Variants in BCAS3 observed in about 807,000 individuals in gnomAD.
The protein encoded by BCAS3 is BCAS4/BCAS3 fusion.
BCAS3 carries 53 observed loss-of-function variants against 116.1 expected under a neutral mutation model. The observed-to-expected ratio is 0.46, with a 90% CI of 0.37 to 0.57. The LOEUF is 0.57. Among genes scored for constraint, BCAS3 ranks in the 20% least tolerant of loss-of-function variants. The pLI, the probability that BCAS3 is intolerant of heterozygous loss-of-function variation, is 0.00. For missense variants in BCAS3, 917 were observed against 1,165.4 expected, an observed-to-expected ratio of 0.79 and a Z score of 3.10; for synonymous variants, 391 against 408.2, an observed-to-expected ratio of 0.96 and a Z score of 0.51.
chr17:61,100,368 A>G (rs1179046373), intron 22 of BCAS3, among the ~76,000 whole-genome samples: 1 of 152,206 alleles, frequency 6.6e-6, no homozygotes, highest in Non-Finnish European at 1.5e-5. Flanking sequence ...TTTTATAGCC[A>G]TGAGAGGGAC....
intron 14 of BCAS3, among the ~76,000 whole-genome samples, chr17:60,958,960 A>G (rs933534414): frequency 1.3e-5 from 2 of 152,220 alleles, no homozygotes; most frequent in African/African-American, 4.8e-5. Context: ...ACCTACAACT[A>G]TGAAGTTATT....
At chr17:61,306,853 G>T (rs543946315) in intron 22 of BCAS3, among the ~76,000 whole-genome samples, 1 of 152,262 alleles carries the variant, frequency 6.6e-6, no homozygotes, top group East Asian at 1.9e-4. Flanking sequence ...AAGCCTAGAG[G>T]TACTATTACC....
Position 60,803,283 on chromosome 17 carries a change from T to C in BCAS3, c.404-4721T>C, listed in dbSNP as rs145660573. ...GATGAGTTGCCTAACAGGGTAAAGG[T>C]CTTAGCATCGATGTGTTTTTCAGAT... On this transcript the variant is annotated intron_variant, in intron 6 of 23. Coordinates refer to ENST00000407086, the MANE Select transcript of BCAS3 (RefSeq NM_017679.5). 9.0e-3 allele frequency among the ~76,000 whole-genome samples: 1,366 copies of C among 152,280 alleles called. 11 individuals are homozygous for C. The highest frequency in any genetic ancestry group is 0.011 in the Non-Finnish European group (774 of 68,028).
rs1377181629 is a variant in BCAS3 at position 61,309,878 on chromosome 17, T to A, written c.2426-58449T>A. ...AATGACAGCTTGTTTAAGGAAGCCATGAACTAGCAAATGTAGTTAAAAGAT... is the reference window on the plus strand; with the variant it reads ...AATGACAGCTTGTTTAAGGAAGCCAAGAACTAGCAAATGTAGTTAAAAGAT... On this transcript the variant is annotated intron_variant, in intron 22 of 23. Transcript: ENST00000407086. The surrounding 1 kb of genome is among the most constrained non-coding windows in gnomAD (Gnocchi z 4.6). Among the ~76,000 whole-genome samples the A allele has an allele frequency of 2.0e-5, 3 of 152,140 alleles. No homozygotes were observed. The highest frequency in any genetic ancestry group is 4.4e-5 in the Non-Finnish European group (3 of 68,022).
At chr17:61,006,139 A>G (rs1392406637) in intron 15 of BCAS3, among the ~76,000 whole-genome samples, 1 of 152,084 alleles carries the variant, frequency 6.6e-6, no homozygotes, top group African/African-American at 2.4e-5. Flanking sequence ...ATCATTTTTC[A>G]TGGCTGCATA....
rs1319085899 is a variant in BCAS3 at position 61,023,085 on chromosome 17, A to G, written c.1637+7184A>G. ...ACGATAGGTCTCTTTGGTAGGGAGC[A>G]AGTAAAATTAATGAAAAATTCAAAG... is the stretch of plus-strand genomic sequence containing the variant. On this transcript the variant is annotated intron_variant, in intron 16 of 23. Coordinates refer to ENST00000407086, the MANE Select transcript of BCAS3 (RefSeq NM_017679.5). The surrounding 1 kb of genome is among the most constrained non-coding windows in gnomAD (Gnocchi z 4.8). 6.6e-6 allele frequency among the ~76,000 whole-genome samples: 1 copy of G among 152,252 alleles called. No homozygotes were observed. The highest frequency in any genetic ancestry group is 1.5e-5 in the Non-Finnish European group (1 of 68,042).
At chr17:60,709,155 G>T in intron 4 of BCAS3, 64 bp from the exon 5 acceptor site, 1 of 792,456 alleles carries the variant, frequency 1.3e-6, no homozygotes, top group Admixed American at 2.1e-5. Flanking sequence ...AAGAAATACA[G>T]TTGTTTTCTT....
chr17:61,147,716 G>A (rs1428003156), intron 22 of BCAS3, among the ~76,000 whole-genome samples: 4 of 152,138 alleles, frequency 2.6e-5, no homozygotes, highest in Admixed American at 6.5e-5. Flanking sequence ...GCGGGGCACC[G>A]TGGCTCACGC....
rs1417867444 is a variant in BCAS3, at chr17:61,211,961, G to C, written c.2425+127397G>C. ...GGTGTTTCTACAATGTGGGAAACTT[G>C]TTTCATTGAAGAGTCTGAATATTTT... On this transcript the variant is annotated intron_variant, in intron 22 of 23. Coordinates refer to ENST00000407086, the MANE Select transcript of BCAS3 (RefSeq NM_017679.5). This position sits in a 1 kb window ranked among gnomAD's most constrained non-coding sequence, Gnocchi z 4.4. 1.3e-5 allele frequency among the ~76,000 whole-genome samples: 2 copies of C among 152,192 alleles called. No homozygotes were observed.
intron 23 of BCAS3, among the ~76,000 whole-genome samples, chr17:61,373,092 CTTT>C (rs34754126): frequency 6.9e-6 from 1 of 145,462 alleles, no homozygotes; most frequent in African/African-American, 2.5e-5. Flanking sequence ...TAAAGTATTC[CTTT>C]TTTTTTTTTT....
At chr17:61,294,179 G>C (rs1234283496) in intron 22 of BCAS3, among the ~76,000 whole-genome samples, 13 of 152,132 alleles carry the variant, frequency 8.5e-5, no homozygotes. Flanking sequence ...GTATAGAACA[G>C]ATCCCAACTA....
In BCAS3 at chr17:61,229,040, T is replaced by A. The variant is rs980646218; in HGVS notation, c.2426-139287T>A. Reference sequence around the variant, plus strand: ...GAAGAAAGTAAAACAGCCTTGCTTCTGAGATGGAGAAAGTTTTAGTTGTCT... The same window carrying A: ...GAAGAAAGTAAAACAGCCTTGCTTCAGAGATGGAGAAAGTTTTAGTTGTCT... On this transcript the variant is annotated intron_variant, in intron 22 of 23. Transcript: ENST00000407086. This position sits in a 1 kb window ranked among gnomAD's most constrained non-coding sequence, Gnocchi z 4.4. Among the ~76,000 whole-genome samples the A allele has an allele frequency of 6.6e-6, 1 of 152,212 alleles. No individual in the cohort carries two copies. Among genetic ancestry groups the A allele is most frequent in the Non-Finnish European group, 1.5e-5 (1 of 68,046 alleles).
intron 22 of BCAS3, among the ~76,000 whole-genome samples, chr17:61,163,130 A>G (rs2078259802): frequency 6.6e-6 from 1 of 152,212 alleles, no homozygotes; most frequent in South Asian, 2.1e-4. Context: ...ATTATTTTTA[A>G]AAAGTGGTTT....
At position 61,346,340 on chromosome 17, in the gene BCAS3, C is replaced by G. The variant is rs995762439; in HGVS notation, c.2426-21987C>G. On this transcript the variant is annotated intron_variant, in intron 22 of 23. Coordinates refer to ENST00000407086, the MANE Select transcript of BCAS3 (RefSeq NM_017679.5). The surrounding 1 kb of genome is among the most constrained non-coding windows in gnomAD (Gnocchi z 5.4). ...GCATGATTGAAAAATCAGGAGAAAA[C>G]TTTTTTAAATGCCTGAAAGGAATGT... 2.0e-5 allele frequency among the ~76,000 whole-genome samples: 3 copies of G among 152,138 alleles called. No individual in the cohort carries two copies. The highest frequency in any genetic ancestry group is 7.2e-5 in the African/African-American group (3 of 41,420).
In BCAS3 at chr17:61,325,702, A is replaced by G. The variant is rs1181123455; in HGVS notation, c.2426-42625A>G. Among the ~76,000 whole-genome samples, 1 of 152,204 alleles carries G rather than the reference A, an allele frequency of 6.6e-6. No homozygotes were observed. Among genetic ancestry groups the G allele is most frequent in the Non-Finnish European group, 1.5e-5 (1 of 68,038 alleles). The stretch of plus-strand genomic sequence containing the variant: ...TAACTGGCTGGCTTCCAGGAGTAAC[A>G]GGCCTGATGATGACCAGCAGGAGAG... On this transcript the variant is annotated intron_variant, in intron 22 of 23. Transcript: ENST00000407086. The surrounding 1 kb of genome is among the most constrained non-coding windows in gnomAD (Gnocchi z 6.4).
At chr17:61,234,530 C>G (rs2082877027) in intron 22 of BCAS3, among the ~76,000 whole-genome samples, 1 of 152,158 alleles carries the variant, frequency 6.6e-6, no homozygotes, top group African/African-American at 2.4e-5. Flanking sequence ...ATCAATAGAC[C>G]TCCCTCCCAG....
chr17:60,947,082 TC>T (rs1326155918), intron 13 of BCAS3, 136 bp from the exon 14 acceptor site: 49 of 813,298 alleles, frequency 6.0e-5, no homozygotes, highest in Non-Finnish European at 8.7e-5. Context: ...TTTATTTTTT[TC>T]TTTTGTAAAG....
rs1276745347 is a variant in BCAS3 at position 61,368,249 on chromosome 17, A to G, written c.2426-78A>G. The G allele has an allele frequency of 6.9e-7, 1 of 1,448,182 alleles. No individual in the cohort carries two copies. The highest frequency in any genetic ancestry group is 1.4e-5 in the African/African-American group (1 of 71,362). The allele number at this position is 1,448,182 out of a possible 1,614,324, so 89.7% of individuals were successfully genotyped here. Reference sequence around the variant, plus strand: ...ACAATGGACCCTGGGTATGGAGAGGAGCGGGTGGGAGGTAGACAAGAATGG... The same window carrying G: ...ACAATGGACCCTGGGTATGGAGAGGGGCGGGTGGGAGGTAGACAAGAATGG... On this transcript the variant is annotated intron_variant, in intron 22 of 23. Coordinates refer to ENST00000407086, the MANE Select transcript of BCAS3 (RefSeq NM_017679.5). The surrounding 1 kb of genome is among the most constrained non-coding windows in gnomAD (Gnocchi z 6.0).
rs531695941 is a variant in BCAS3 at position 61,196,926 on chromosome 17, G to A, written c.2425+112362G>A. On this transcript the variant is annotated intron_variant, in intron 22 of 23. Coordinates refer to ENST00000407086, the MANE Select transcript of BCAS3 (RefSeq NM_017679.5). The surrounding 1 kb of genome is among the most constrained non-coding windows in gnomAD (Gnocchi z 4.7). Reference sequence around the variant, plus strand: ...CTGTTTACATCTCCCAAACACTTATGTAGAACATTCAATGCTAGAGAAGAT... The same window carrying A: ...CTGTTTACATCTCCCAAACACTTATATAGAACATTCAATGCTAGAGAAGAT... Among the ~76,000 whole-genome samples the A allele has an allele frequency of 3.3e-5, 5 of 152,206 alleles. No homozygotes were observed. Among genetic ancestry groups the A allele is most frequent in the African/African-American group, 4.8e-5 (2 of 41,456 alleles).
Sources: allele counts gnomAD v4.1 joint callset (sites outside exome capture counted in the v4.1 genomes callset), GRCh38; gene constraint gnomAD v4.1.1; non-coding constraint Gnocchi (gnomAD v3.1); transcripts MANE v1.5; gene names NCBI Gene and HGNC (gene_info 2026-07-23, HGNC 2026-07-21).